The following GRXCR1 variants were observed in gnomAD, a reference collection of about 807,000 sequenced individuals.
GRXCR1 encodes the protein glutaredoxin domain-containing cysteine-rich protein 1.
In GRXCR1, 27 loss-of-function variants were observed where a neutral mutation model predicts 27.3. The ratio of observed to expected loss-of-function variants is 0.99; its 90% CI spans 0.73 to 1.37. GRXCR1 has a LOEUF of 1.37. Among genes scored for constraint, GRXCR1 ranks in the 40% most tolerant of loss-of-function variants. GRXCR1 has a pLI of 0.00. For synonymous variants in GRXCR1, 122 were observed against 131.1 expected, an observed-to-expected ratio of 0.93 and a Z score of 0.47; for missense variants, 379 against 354.4, an observed-to-expected ratio of 1.07 and a Z score of -0.56.
At chr4:42,994,646 T>C (rs1335422886) in intron 2 of GRXCR1, among the ~76,000 whole-genome samples, 1 of 152,094 alleles carries the variant, frequency 6.6e-6, no homozygotes, top group African/African-American at 2.4e-5. Context: ...GTGAGAGATA[T>C]ATTGTGAAGA....
intron 2 of GRXCR1, among the ~76,000 whole-genome samples, chr4:42,983,821 G>A (rs571638979): frequency 1.4e-5 from 2 of 145,312 alleles, no homozygotes; most frequent in South Asian, 2.2e-4. Context: ...CTGTCTTTAT[G>A]TTCAGAGATT....
In GRXCR1 at chr4:42,988,985, T is replaced by A. The variant is rs188017495; in HGVS notation, c.627+25851T>A. On this transcript the variant is annotated intron_variant, in intron 2 of 3. Transcript: ENST00000399770. ...ACTGGGTGACCTTAAACACTTCAAC[T>A]TTCACATGTATAAAAGGGGATCACC... 2.3e-3 allele frequency among the ~76,000 whole-genome samples: 345 copies of A among 152,266 alleles called. 1 individual carries two copies. Among genetic ancestry groups the A allele is most frequent in the Non-Finnish European group, 3.4e-3 (234 of 68,008 alleles).
chr4:43,004,802 A>G (rs927258093), intron 2 of GRXCR1, among the ~76,000 whole-genome samples: 2 of 152,186 alleles, frequency 1.3e-5, no homozygotes, highest in South Asian at 4.1e-4. Context: ...TTTTGATTTT[A>G]CAGGCTCATA....
intron 2 of GRXCR1, among the ~76,000 whole-genome samples, chr4:42,965,847 T>C (rs1481838995): frequency 6.6e-6 from 1 of 151,988 alleles, no homozygotes; most frequent in Non-Finnish European, 1.5e-5. Flanking sequence ...GAACATTTTG[T>C]AGCTCCCTTT....
rs533065112 is a variant in GRXCR1 at position 42,987,143 on chromosome 4, GGAGA to G, written c.627+24016_627+24019del. Among the ~76,000 whole-genome samples the G allele has an allele frequency of 2.6e-4, 37 of 144,072 alleles. 1 individual carries two copies. The South Asian group carries it at 7.9e-3, about 31-fold the overall frequency. 94.5% of individuals were successfully genotyped at this position (144,072 alleles called of 152,430 possible). A position where few individuals can be genotyped will look rare whatever the true frequency, so the allele number is the denominator to read the frequency against. ...AAAAAAGATTTATTTAGAAGGAAGA[GGAGA>G]GAGAGACATACTTTGAACTGTGCTT... On this transcript the variant is annotated intron_variant, in intron 2 of 3. Coordinates refer to ENST00000399770, the MANE Select transcript of GRXCR1 (RefSeq NM_001080476.3).
In GRXCR1 at chr4:42,993,189, G is replaced by T. The variant is rs530772782; in HGVS notation, c.628-27165G>T. 2.1e-3 allele frequency among the ~76,000 whole-genome samples: 317 copies of T among 152,144 alleles called. 2 individuals carry two copies. Among genetic ancestry groups the T allele is most frequent in the African/African-American group, 7.3e-3 (303 of 41,530 alleles). ...AAGTAAAAGGTAAGTGAAATAAAAAGATCAGCTGAAAGTGTATTCCTGGCC... is the reference window on the plus strand; with the variant it reads ...AAGTAAAAGGTAAGTGAAATAAAAATATCAGCTGAAAGTGTATTCCTGGCC... On this transcript the variant is annotated intron_variant, in intron 2 of 3. Coordinates refer to ENST00000399770, the MANE Select transcript of GRXCR1 (RefSeq NM_001080476.3).
rs1418964283 is a variant in GRXCR1, at chr4:42,963,122, C to T, written c.615C>T (p.Gly205=). The T allele has an allele frequency of 1.9e-5, 30 of 1,612,252 alleles. No individual in the cohort carries two copies. The highest frequency in any genetic ancestry group is 1.5e-4 in the Admixed American group (9 of 59,860). Residue 205 remains glycine (G), a synonymous_variant, in exon 2 of 4, where the codon GGC becomes GGT. Transcript: ENST00000399770. ...CCCTCCCTGTTGTGTTCATTGATGG[C>T]CATTACCTTGGGGTAAGTAAGCTGC... is the stretch of plus-strand genomic sequence containing the variant. ...APSLPVVFID[G]HYLGGAEKIL...
intron 1 of GRXCR1, among the ~76,000 whole-genome samples, chr4:42,932,997 A>T (rs531094329): frequency 1.4e-4 from 21 of 151,924 alleles, no homozygotes; most frequent in East Asian, 1.4e-3. Flanking sequence ...GATTCTAGGG[A>T]ACATCAGATA....
At chr4:42,947,983 C>T (rs1218013489) in intron 1 of GRXCR1, among the ~76,000 whole-genome samples, 1 of 152,100 alleles carries the variant, frequency 6.6e-6, no homozygotes, top group Non-Finnish European at 1.5e-5. Context: ...ATTAAAGCAA[C>T]CTAATTTGGG....
Position 43,013,269 on chromosome 4 carries a change from C to A in GRXCR1, c.628-7085C>A, listed in dbSNP as rs553295684. On this transcript the variant is annotated intron_variant, in intron 2 of 3. Coordinates refer to ENST00000399770, the MANE Select transcript of GRXCR1 (RefSeq NM_001080476.3). Reference sequence around the variant, plus strand: ...AAAAACATGAAATCAACATAGATGTCCATCAGCAGCCATGAAAAAGCATAA... The same window carrying A: ...AAAAACATGAAATCAACATAGATGTACATCAGCAGCCATGAAAAAGCATAA... 3.0e-4 allele frequency among the ~76,000 whole-genome samples: 46 copies of A among 152,262 alleles called. 1 individual carries two copies. In the East Asian group the frequency reaches 3.5e-3, roughly 11 times the overall value.
chr4:43,008,918 T>G (rs1712648721), intron 2 of GRXCR1, among the ~76,000 whole-genome samples: 1 of 152,234 alleles, frequency 6.6e-6, no homozygotes, highest in Non-Finnish European at 1.5e-5. Context: ...TCTTATTAAA[T>G]TATTAGAGCT....
chr4:42,893,456 G>A lies in GRXCR1; in HGVS notation c.190G>A (p.Gly64Ser), dbSNP rs370551174. ...GLGDSDGQQN[G>S]HIESEGDENE... ...AGGTGATTCCGATGGACAGCAGAAT[G>A]GCCACATAGAGTCAGAAGGTGATGA... The change falls in exon 1 of 4, where the codon GGC becomes AGC. Residue 64 changes from glycine to serine, a missense_variant. Gly to Ser is a moderately conservative substitution (Grantham distance 56). Coordinates refer to ENST00000399770, the MANE Select transcript of GRXCR1 (RefSeq NM_001080476.3). 4.0e-4 allele frequency: 638 copies of A among 1,613,890 alleles called. 9 individuals carry two copies. The South Asian group carries it at 6.5e-3, about 17-fold the overall frequency.
chr4:42,973,472 G>GTTTTT (rs1046141896), intron 2 of GRXCR1, among the ~76,000 whole-genome samples: 1 of 147,392 alleles, frequency 6.8e-6, no homozygotes. Flanking sequence ...CCTTGCCGAT[G>GTTTTT]TTTTTTTTTT....
intron 1 of GRXCR1, among the ~76,000 whole-genome samples, chr4:42,959,731 C>G (rs1748088711): frequency 6.6e-6 from 1 of 151,882 alleles, no homozygotes; most frequent in Admixed American, 6.6e-5. Context: ...GTCAGTAGAT[C>G]TGGGGCGAGG....
At chr4:42,967,780 T>G (rs1163147792) in intron 2 of GRXCR1, among the ~76,000 whole-genome samples, 1 of 152,112 alleles carries the variant, frequency 6.6e-6, no homozygotes, top group Non-Finnish European at 1.5e-5. Context: ...TAGAAAGAGT[T>G]TGAGCCTTTG....
chr4:42,942,099 C>G (rs1268328422), intron 1 of GRXCR1, among the ~76,000 whole-genome samples: 3 of 151,834 alleles, frequency 2.0e-5, no homozygotes, highest in Admixed American at 1.3e-4. Context: ...CTGTGTGGGA[C>G]TAGAGCATCG....
At chr4:42,945,727 G>A (rs1425842931) in intron 1 of GRXCR1, among the ~76,000 whole-genome samples, 2 of 152,090 alleles carry the variant, frequency 1.3e-5, no homozygotes. Flanking sequence ...CTTCAGCCAT[G>A]GTTAACATCT....
At chr4:42,897,709 C>T (rs765464740) in intron 1 of GRXCR1, among the ~76,000 whole-genome samples, 39 of 152,114 alleles carry the variant, frequency 2.6e-4, no homozygotes, top group African/African-American at 8.4e-4. Context: ...ATGATGTCAA[C>T]TGGCTACTGA....
At chr4:42,975,357 T>G (rs1332295811) in intron 2 of GRXCR1, among the ~76,000 whole-genome samples, 1 of 152,158 alleles carries the variant, frequency 6.6e-6, no homozygotes, top group Non-Finnish European at 1.5e-5. Flanking sequence ...GAGTTTGTCA[T>G]CAGATATTGG....
Sources: allele counts gnomAD v4.1 joint callset (sites outside exome capture counted in the v4.1 genomes callset), GRCh38; gene constraint gnomAD v4.1.1; transcripts MANE v1.5; gene names NCBI Gene and HGNC (gene_info 2026-07-23, HGNC 2026-07-21).